PCDH15: variants seen among roughly 807,000 people sequenced by gnomAD.
PCDH15 encodes protocadherin related 15, also known as protocadherin-15.
In PCDH15, 129 loss-of-function variants were observed where a neutral mutation model predicts 178.5. The ratio of observed to expected loss-of-function variants is 0.72; its 90% CI spans 0.63 to 0.84. The LOEUF is 0.84. PCDH15 is among the 40% of genes least tolerant of loss of function. PCDH15 has a pLI of 0.00. For synonymous variants in PCDH15, 800 were observed against 732.0 expected (o/e 1.09, Z -1.50); for missense variants, 2,230 against 2,099.9 (o/e 1.06, Z -1.21).
chr10:54,376,903 TGCA>T (rs1416049748), intron 4 of PCDH15, among the ~76,000 whole-genome samples: 1 of 152,010 alleles, frequency 6.6e-6, no homozygotes, highest in East Asian at 1.9e-4. Context: ...AAATTTTCAC[TGCA>T]GCATTTTTGT....
chr10:54,813,527 G>T (rs1312368712), intron 3 of PCDH15, among the ~76,000 whole-genome samples: 2 of 152,102 alleles, frequency 1.3e-5, no homozygotes, highest in Admixed American at 1.3e-4. Flanking sequence ...TGTGTTTGCG[G>T]GGTGGGGGAT....
chr10:54,777,535 C>T (rs1949840747), intron 1 of PCDH15, among the ~76,000 whole-genome samples: 1 of 152,106 alleles, frequency 6.6e-6, no homozygotes, highest in Admixed American at 6.6e-5. Flanking sequence ...GCAGACATTC[C>T]CAACAGTCAC....
At chr10:55,591,787 T>C (rs1274350342) in intron 2 of PCDH15, among the ~76,000 whole-genome samples, 1 of 152,000 alleles carries the variant, frequency 6.6e-6, no homozygotes, top group Non-Finnish European at 1.5e-5. Context: ...ACATAATACA[T>C]AACAAAAAAA....
intron 2 of PCDH15, among the ~76,000 whole-genome samples, chr10:55,503,179 G>A (rs1840691803): frequency 6.6e-6 from 1 of 150,998 alleles, no homozygotes; most frequent in Non-Finnish European, 1.5e-5. Flanking sequence ...GTTTCAGAGT[G>A]GGACTATCTG....
At chr10:55,085,237 G>GT (rs1247966816) in intron 2 of PCDH15, among the ~76,000 whole-genome samples, 3 of 151,762 alleles carry the variant, frequency 2.0e-5, no homozygotes, top group African/African-American at 7.2e-5. Flanking sequence ...AGGTCATTGT[G>GT]TTAAGGAAAT....
chr10:54,090,966 A>T (rs1164549620), intron 15 of PCDH15, among the ~76,000 whole-genome samples: 2 of 152,214 alleles, frequency 1.3e-5, no homozygotes, highest in East Asian at 3.9e-4. Flanking sequence ...TAAGCTTTCA[A>T]TAAATATTAA....
rs183711675 is a variant in PCDH15, at chr10:55,339,391, G to A, written c.-155-172740C>T. ...GATCTAGTAATGAGGATATAGGATA[G>A]TGAATTCTGGTTCTGTACATGGAAC... On this transcript the variant is annotated intron_variant, in intron 2 of 5. Coordinates refer to the PCDH15 transcript ENST00000613346. 2.6e-5 allele frequency among the ~76,000 whole-genome samples: 4 copies of A among 152,182 alleles called. No homozygotes were observed. In the East Asian group the frequency reaches 7.7e-4, roughly 29 times the overall value.
At chr10:53,808,739 T>C in intron 37 of PCDH15, 2 of 1,613,138 alleles carry the variant, frequency 1.2e-6, no homozygotes, top group East Asian at 2.2e-5. Flanking sequence ...GGCGACTTCT[T>C]TTGGTTTGCA....
intron 2 of PCDH15, among the ~76,000 whole-genome samples, chr10:55,064,948 A>T (rs932134102): frequency 4.6e-5 from 7 of 152,090 alleles, no homozygotes; most frequent in Admixed American, 2.0e-4. Context: ...ATATTTTAAA[A>T]AATCTCAATG....
intron 2 of PCDH15, among the ~76,000 whole-genome samples, chr10:55,451,921 A>G (rs1016382733): frequency 2.4e-4 from 37 of 152,228 alleles, no homozygotes; most frequent in Non-Finnish European, 5.0e-4. Flanking sequence ...ATTTTGAAAG[A>G]AGGCAAGATA....
At chr10:55,531,297 T>C (rs2132063756) in intron 2 of PCDH15, among the ~76,000 whole-genome samples, 1 of 152,104 alleles carries the variant, frequency 6.6e-6, no homozygotes, top group East Asian at 1.9e-4. Context: ...CACATTATGA[T>C]CAAGTGTTAT....
chr10:54,920,762 C>T (rs1837465386), intron 2 of PCDH15, among the ~76,000 whole-genome samples: 1 of 152,090 alleles, frequency 6.6e-6, no homozygotes, highest in South Asian at 2.1e-4. Context: ...GTGTTTCTAT[C>T]ATCTTTTAGT....
chr10:55,064,761 T>A (rs751667573), intron 2 of PCDH15, among the ~76,000 whole-genome samples: 2 of 152,072 alleles, frequency 1.3e-5, no homozygotes, highest in Non-Finnish European at 2.9e-5. Context: ...TAAAGCTTTG[T>A]GATAATTTTG....
chr10:54,568,086 G>A lies in PCDH15; in HGVS notation c.92-40209C>T, dbSNP rs566686590. Among the ~76,000 whole-genome samples, 79 of 152,176 alleles carry A rather than the reference G, an allele frequency of 5.2e-4. 2 individuals carry two copies. In the South Asian group the frequency reaches 0.016, roughly 30 times the overall value. ...TCAATTTTGCACACCTTGGCTTATTGTGCTCTATTTAAAAACATATTTTCA... is the reference window on the plus strand; with the variant it reads ...TCAATTTTGCACACCTTGGCTTATTATGCTCTATTTAAAAACATATTTTCA... On this transcript the variant is annotated intron_variant, in intron 2 of 37. Coordinates refer to ENST00000644397, the MANE Select transcript of PCDH15 (RefSeq NM_001384140.1).
chr10:53,944,443 A>G (rs975833201), intron 23 of PCDH15, among the ~76,000 whole-genome samples: 5 of 152,210 alleles, frequency 3.3e-5, no homozygotes, highest in African/African-American at 9.6e-5. Flanking sequence ...TTATGGCCAA[A>G]TGAAACATTT....
intron 3 of PCDH15, among the ~76,000 whole-genome samples, chr10:54,391,176 CAGTG>C (rs1950507702): frequency 6.6e-6 from 1 of 152,164 alleles, no homozygotes; most frequent in Admixed American, 6.5e-5. Flanking sequence ...ACTATTGCTA[CAGTG>C]AGTAATTGCT....
intron 1 of PCDH15, among the ~76,000 whole-genome samples, chr10:54,787,116 C>T (rs908900592): frequency 2.6e-5 from 4 of 151,738 alleles, no homozygotes; most frequent in African/African-American, 9.7e-5. Flanking sequence ...TCTTGCTGTA[C>T]ATGTGAATCA....
chr10:55,172,638 T>C (rs995898192), intron 1 of PCDH15, among the ~76,000 whole-genome samples: 1 of 152,018 alleles, frequency 6.6e-6, no homozygotes, highest in East Asian at 1.9e-4. Flanking sequence ...ACTTCAAGAG[T>C]ATGTATTTAG....
At chr10:55,273,801 A>G (rs1188095479) in intron 1 of PCDH15, among the ~76,000 whole-genome samples, 1 of 152,152 alleles carries the variant, frequency 6.6e-6, no homozygotes, top group East Asian at 1.9e-4. Flanking sequence ...GAAGAAAATC[A>G]CTTGCCAAAT....
Sources: gnomAD v4.1 joint callset for allele counts (sites outside exome capture counted in the v4.1 genomes callset) on GRCh38, gnomAD v4.1.1 for gene constraint, MANE v1.5 for transcripts, NCBI Gene and HGNC (gene_info 2026-07-23, HGNC 2026-07-21) for gene names.